The following ZNF385D variants were observed in gnomAD, a reference collection of about 807,000 sequenced individuals.
ZNF385D encodes the protein zinc finger protein 659.
A neutral mutation model predicts 35.8 loss-of-function variants in ZNF385D; 15 were observed. The ratio of observed to expected loss-of-function variants is 0.42; its 90% CI spans 0.28 to 0.64. The LOEUF (loss-of-function observed/expected upper bound fraction) is 0.64, where lower values mean the gene tolerates loss of function less well. Among genes scored for constraint, ZNF385D ranks in the 30% least tolerant of loss-of-function variants. ZNF385D has a pLI of 0.23. For synonymous variants in ZNF385D, 212 were observed against 186.8 expected, an observed-to-expected ratio of 1.13 and a Z score of -1.10; for missense variants, 474 against 494.6, an observed-to-expected ratio of 0.96 and a Z score of 0.39.
At chr3:21,540,403 C>T (rs1268104701) in intron 3 of ZNF385D, among the ~76,000 whole-genome samples, 1 of 152,118 alleles carries the variant, frequency 6.6e-6, no homozygotes, top group African/African-American at 2.4e-5. Flanking sequence ...TTTGTACTGG[C>T]CTCCAGGTGT....
At chr3:21,445,457 C>T (rs1220110265) in intron 4 of ZNF385D, among the ~76,000 whole-genome samples, 2 of 152,110 alleles carry the variant, frequency 1.3e-5, no homozygotes, top group Non-Finnish European at 2.9e-5. Context: ...AGGTAAATTG[C>T]CCTCTTTCTT....
intron 2 of ZNF385D, among the ~76,000 whole-genome samples, chr3:22,231,319 G>T (rs1698875239): frequency 6.6e-6 from 1 of 151,990 alleles, no homozygotes; most frequent in South Asian, 2.1e-4. Context: ...TAAGCAAAAA[G>T]ACTATTGGCA....
chr3:22,127,555 G>T (rs1240728009), intron 3 of ZNF385D, among the ~76,000 whole-genome samples: 1 of 151,748 alleles, frequency 6.6e-6, no homozygotes, highest in African/African-American at 2.4e-5. Flanking sequence ...GTCCAGGCTG[G>T]TTTTGAACTT....
At chr3:21,815,817 C>T (rs887197531) in intron 3 of ZNF385D, among the ~76,000 whole-genome samples, 3 of 152,094 alleles carry the variant, frequency 2.0e-5, no homozygotes, top group Non-Finnish European at 2.9e-5. Flanking sequence ...GAAATCCTCC[C>T]TAACTCATTT....
At chr3:21,599,252 G>C (rs1346073266) in intron 2 of ZNF385D, among the ~76,000 whole-genome samples, 1 of 152,152 alleles carries the variant, frequency 6.6e-6, no homozygotes, top group Admixed American at 6.5e-5. Flanking sequence ...GTTGAAAAAG[G>C]ATTCCAGAAA....
chr3:22,147,933 A>G (rs908846450), intron 3 of ZNF385D, among the ~76,000 whole-genome samples: 46 of 152,224 alleles, frequency 3.0e-4, no homozygotes, highest in Non-Finnish European at 1.6e-4. Context: ...ACAGAAAAAA[A>G]GTCGATCTAA....
intron 3 of ZNF385D, among the ~76,000 whole-genome samples, chr3:22,157,731 T>C (rs908043509): frequency 2.6e-5 from 4 of 152,162 alleles, no homozygotes; most frequent in African/African-American, 9.6e-5. Context: ...TCAAGTAAAC[T>C]ATTGAATTGA....
intron 3 of ZNF385D, among the ~76,000 whole-genome samples, chr3:22,126,310 G>GTTTTTTT (rs57457479): frequency 1.0e-5 from 1 of 100,146 alleles, no homozygotes; most frequent in African/African-American, 3.9e-5. Context: ...TTTGAAAGTT[G>GTTTTTTT]TTTTTTTTTT....
chr3:22,280,286 C>G (rs1036580561), intron 2 of ZNF385D, among the ~76,000 whole-genome samples: 26 of 151,318 alleles, frequency 1.7e-4, no homozygotes, highest in African/African-American at 5.6e-4. Flanking sequence ...ATTTAAATCC[C>G]ATCTATTTGT....
chr3:21,513,615 G>C (rs1473722414), intron 3 of ZNF385D, among the ~76,000 whole-genome samples: 3 of 152,084 alleles, frequency 2.0e-5, no homozygotes, highest in Non-Finnish European at 4.4e-5. Context: ...TGAGTATAGT[G>C]GGGTGATGGT....
chr3:22,304,814 G>A (rs949460902), intron 2 of ZNF385D, among the ~76,000 whole-genome samples: 2 of 152,034 alleles, frequency 1.3e-5, no homozygotes, highest in Admixed American at 1.3e-4. Context: ...CTTTATCAGT[G>A]CCACTACTTG....
intron 2 of ZNF385D, among the ~76,000 whole-genome samples, chr3:22,242,032 G>C (rs565210976): frequency 1.3e-5 from 2 of 148,510 alleles, no homozygotes; most frequent in African/African-American, 2.5e-5. Flanking sequence ...CAATGAGATC[G>C]CATGGACACA....
intron 2 of ZNF385D, among the ~76,000 whole-genome samples, chr3:21,640,350 C>G (rs1404547570): frequency 6.6e-6 from 1 of 152,090 alleles, no homozygotes; most frequent in African/African-American, 2.4e-5. Context: ...TTCTTAAGGT[C>G]TATCGCCAAA....
intron 2 of ZNF385D, among the ~76,000 whole-genome samples, chr3:21,568,056 TA>T (rs143459140): frequency 6.6e-5 from 10 of 151,562 alleles, no homozygotes; most frequent in South Asian, 2.1e-4. Context: ...CCAGAATAGT[TA>T]AAAAAAAACT....
intron 3 of ZNF385D, among the ~76,000 whole-genome samples, chr3:22,148,713 T>C (rs1705027903): frequency 6.6e-6 from 1 of 152,218 alleles, no homozygotes; most frequent in South Asian, 2.1e-4. Context: ...ATCAATTGGA[T>C]CTGTCCTACC....
chr3:21,651,609 A>T (rs1160109951), intron 2 of ZNF385D, among the ~76,000 whole-genome samples: 1 of 151,488 alleles, frequency 6.6e-6, no homozygotes, highest in African/African-American at 2.4e-5. Context: ...GAATAATGCC[A>T]TTTATATAGC....
At position 22,017,186 on chromosome 3, in the gene ZNF385D, C is replaced by T. The variant is rs116687187; in HGVS notation, c.325+151631G>A. On this transcript the variant is annotated intron_variant, in intron 3 of 5. Transcript: ENST00000494108. The stretch of plus-strand genomic sequence containing the variant: ...TTAAATAATATATTAAAATTAAAAC[C>T]CATTTCTCTTCTCTCAATTTTTGCT... Among the ~76,000 whole-genome samples the T allele has an allele frequency of 4.1e-3, 625 of 151,898 alleles. 2 individuals are homozygous for T. Among genetic ancestry groups the T allele is most frequent in the African/African-American group, 0.014 (589 of 41,426 alleles).
At chr3:21,848,950 C>T (rs1484792005) in intron 3 of ZNF385D, among the ~76,000 whole-genome samples, 2 of 152,034 alleles carry the variant, frequency 1.3e-5, no homozygotes, top group African/African-American at 4.8e-5. Context: ...TAAACATGAA[C>T]ATTATCTTCT....
chr3:21,993,977 T>A (rs539187597), intron 3 of ZNF385D, among the ~76,000 whole-genome samples: 3 of 152,304 alleles, frequency 2.0e-5, no homozygotes, highest in Admixed American at 6.5e-5. Flanking sequence ...GCTAAGCTGC[T>A]CTGCCTCACC....
Sources: gnomAD v4.1 joint callset for allele counts (sites outside exome capture counted in the v4.1 genomes callset) on GRCh38, gnomAD v4.1.1 for gene constraint, MANE v1.5 for transcripts, NCBI Gene and HGNC (gene_info 2026-07-23, HGNC 2026-07-21) for gene names.